The following MATN2 variants were observed in gnomAD, a reference collection of about 807,000 sequenced individuals.
The protein encoded by MATN2 is matrilin 2, also known as matrilin-2.
Under a neutral mutation model 103.2 loss-of-function variants are expected in MATN2, and 69 were observed. The ratio of observed to expected loss-of-function variants is 0.67; its 90% CI spans 0.55 to 0.82. MATN2 has a LOEUF of 0.82. Ranked by LOEUF, MATN2 falls within the 40% of genes least tolerant of loss-of-function variation. MATN2 has a pLI of 0.00. For synonymous variants in MATN2, 429 were observed against 450.2 expected (o/e 0.95, Z 0.60); for missense variants, 1,023 against 1,211.5 (o/e 0.84, Z 2.31).
In MATN2 at chr8:98,007,594, G is replaced by A. The variant is rs765302083; in HGVS notation, c.1566G>A (p.Thr522=). The stretch of plus-strand genomic sequence containing the variant: ...ACGTGCTCCGCAGCGATGGGAAGAC[G>A]TGTGCAAGTAAGTGTCTGAAGGACA... ...EGHVLRSDGK[T]CAKLDSCALG... Residue 522 remains threonine (T), a synonymous_variant, in exon 10 of 19, where the codon ACG becomes ACA. Coordinates refer to ENST00000254898, the MANE Select transcript of MATN2 (RefSeq NM_002380.5). This position sits in a 1 kb window ranked among gnomAD's most constrained non-coding sequence, Gnocchi z 4.2. The A allele has an allele frequency of 3.4e-5, 55 of 1,610,996 alleles. No individual in the cohort carries two copies. The highest frequency in any genetic ancestry group is 1.5e-4 in the South Asian group (14 of 91,006).
At position 97,939,642 on chromosome 8, in the gene MATN2, C is replaced by A. The variant is rs75499473; in HGVS notation, c.713-2135C>A. ...TCCAGCCTAGGTGACAGAGCAAGAG[C>A]CTGTCTCACAAAATAAACTAAATTT... is the stretch of plus-strand genomic sequence containing the variant. On this transcript the variant is annotated intron_variant, in intron 3 of 18. Transcript: ENST00000254898. Among the ~76,000 whole-genome samples, 172 of 152,238 alleles carry A rather than the reference C, an allele frequency of 1.1e-3. 2 individuals carry two copies. The East Asian group carries it at 0.031, about 27-fold the overall frequency.
At chr8:97,955,938 C>G (rs1015126394) in intron 4 of MATN2, among the ~76,000 whole-genome samples, 4 of 152,184 alleles carry the variant, frequency 2.6e-5, no homozygotes, top group African/African-American at 7.2e-5. Flanking sequence ...TGGGGGCTGG[C>G]TCTGAGATGT....
intron 5 of MATN2, 31 bp downstream of exon 5, chr8:97,961,561 G>A: frequency 1.3e-6 from 2 of 1,585,188 alleles, no homozygotes; most frequent in South Asian, 2.3e-5. Flanking sequence ...GCTTGGTAGG[G>A]AAGGACAAGT....
intron 4 of MATN2, 147 bp downstream of exon 4, chr8:97,942,046 C>G: frequency 1.0e-6 from 1 of 982,580 alleles, no homozygotes; most frequent in Non-Finnish European, 1.5e-6. Context: ...TTGGTATTTT[C>G]TGTTGACCCC....
Position 97,888,116 on chromosome 8 carries a change from G to C in MATN2, c.16G>C (p.Ala6Pro). MEKML[A>P]GCFLLILGQI... Reference sequence around the variant, plus strand: ...CGCCTTGAAAATGGAAAAGATGCTCGCAGGCTGCTTTCTGCTGATCCTCGG... The same window carrying C: ...CGCCTTGAAAATGGAAAAGATGCTCCCAGGCTGCTTTCTGCTGATCCTCGG... The change falls in exon 2 of 19, where the codon GCA becomes CCA. Residue 6 changes from alanine (A) to proline (P), a missense_variant. Ala to Pro is a conservative substitution (Grantham distance 27). Transcript: ENST00000254898. 6.2e-7 allele frequency: 1 copy of C among 1,607,186 alleles called. No individual in the cohort carries two copies. The highest frequency in any genetic ancestry group is 1.1e-5 in the South Asian group (1 of 89,778).
At chr8:97,905,170 G>A (rs568143643) in intron 2 of MATN2, among the ~76,000 whole-genome samples, 15 of 152,248 alleles carry the variant, frequency 9.9e-5, no homozygotes, top group Non-Finnish European at 2.1e-4. Context: ...GATAACTGCA[G>A]TTCAAATAAT....
intron 2 of MATN2, 44 bp from the exon 3 acceptor site, chr8:97,930,909 C>T (rs1167530011): frequency 1.4e-6 from 2 of 1,419,616 alleles, no homozygotes; most frequent in Non-Finnish European, 1.9e-6. Flanking sequence ...AGCCACCACA[C>T]CTGGCCTCTC....
At chr8:97,912,238 C>T (rs1389268379) in intron 2 of MATN2, among the ~76,000 whole-genome samples, 1 of 152,234 alleles carries the variant, frequency 6.6e-6, no homozygotes, top group Non-Finnish European at 1.5e-5. Flanking sequence ...ATTAAAACTG[C>T]TGTCTTTTTA....
chr8:97,925,358 T>C (rs1267125232), intron 2 of MATN2, among the ~76,000 whole-genome samples: 2 of 152,108 alleles, frequency 1.3e-5, no homozygotes, highest in African/African-American at 4.8e-5. Flanking sequence ...GACTGAAATA[T>C]AGAAGCATGG....
intron 4 of MATN2, among the ~76,000 whole-genome samples, chr8:97,947,527 A>T (rs1810793274): frequency 6.6e-6 from 1 of 152,244 alleles, no homozygotes; most frequent in African/African-American, 2.4e-5. Flanking sequence ...ATGGCATCAA[A>T]AATATGTAAA....
chr8:97,873,168 A>G (rs1817956497), intron 1 of MATN2, among the ~76,000 whole-genome samples: 1 of 152,180 alleles, frequency 6.6e-6, no homozygotes, highest in Non-Finnish European at 1.5e-5. Flanking sequence ...ATATTATTCT[A>G]TCTGCCAGAA....
Position 97,921,760 on chromosome 8 carries a change from C to T in MATN2, c.143-9193C>T, listed in dbSNP as rs573580683. Among the ~76,000 whole-genome samples the T allele has an allele frequency of 2.6e-5, 4 of 152,228 alleles. No individual in the cohort carries two copies. In the South Asian group the frequency reaches 6.2e-4, roughly 24 times the overall value. On this transcript the variant is annotated intron_variant, in intron 2 of 18. Coordinates refer to ENST00000254898, the MANE Select transcript of MATN2 (RefSeq NM_002380.5). The stretch of plus-strand genomic sequence containing the variant: ...GGTGGGTGGGATCCCACTGCTGTGT[C>T]GCACGGTCGTCTTTGCTCTCAGTCC...
At chr8:97,999,946 T>C (rs913221990) in intron 7 of MATN2, among the ~76,000 whole-genome samples, 2 of 151,484 alleles carry the variant, frequency 1.3e-5, no homozygotes, top group South Asian at 2.1e-4. Flanking sequence ...AGTGGCGCGA[T>C]CTTGGCTCAC....
At chr8:98,000,896 A>G (rs974349697) in intron 7 of MATN2, among the ~76,000 whole-genome samples, 1 of 152,214 alleles carries the variant, frequency 6.6e-6, no homozygotes, top group Admixed American at 6.5e-5. Context: ...TACGAAAGAG[A>G]GGTCCTGTAG....
Position 97,901,254 on chromosome 8 carries a change from T to G in MATN2, c.142+13012T>G, listed in dbSNP as rs192536036. On this transcript the variant is annotated intron_variant, in intron 2 of 18. Transcript: ENST00000254898. ...CCAAAATGGTTTCATTCTGATACAC[T>G]TTTTTTTTTTCTTTTTGAGATGGAG... Among the ~76,000 whole-genome samples, 368 of 148,144 alleles carry G rather than the reference T, an allele frequency of 2.5e-3. 1 individual carries two copies. The highest frequency in any genetic ancestry group is 8.6e-3 in the African/African-American group (350 of 40,604).
intron 1 of MATN2, among the ~76,000 whole-genome samples, chr8:97,887,143 T>A (rs1372161681): frequency 1.3e-5 from 2 of 152,274 alleles, no homozygotes; most frequent in East Asian, 3.9e-4. Context: ...GTGCCCACCT[T>A]GGCCTCCCAA....
intron 5 of MATN2, among the ~76,000 whole-genome samples, chr8:97,964,717 G>A (rs569669591): frequency 4.5e-4 from 69 of 152,102 alleles, no homozygotes; most frequent in Admixed American, 2.9e-3. Flanking sequence ...TTACAGGTGT[G>A]AGCCACCTCG....
At chr8:97,968,257 G>A (rs946495918) in intron 5 of MATN2, among the ~76,000 whole-genome samples, 1 of 152,222 alleles carries the variant, frequency 6.6e-6, no homozygotes, top group Non-Finnish European at 1.5e-5. Context: ...GTGCTGCCTA[G>A]AAGATCTCTG....
At chr8:97,900,118 C>G (rs1818932593) in intron 2 of MATN2, among the ~76,000 whole-genome samples, 1 of 152,242 alleles carries the variant, frequency 6.6e-6, no homozygotes, top group African/African-American at 2.4e-5. Flanking sequence ...GAACGACTAA[C>G]TCAGTCCTGT....
Sources: gnomAD v4.1 joint callset for allele counts (sites outside exome capture counted in the v4.1 genomes callset) on GRCh38, gnomAD v4.1.1 for gene constraint, Gnocchi (gnomAD v3.1) non-coding constraint, MANE v1.5 for transcripts, NCBI Gene and HGNC (gene_info 2026-07-23, HGNC 2026-07-21) for gene names.